PKHD1L1: variants seen among roughly 807,000 people sequenced by gnomAD.
The protein encoded by PKHD1L1 is PKHD1 like 1.
A neutral mutation model predicts 462.9 loss-of-function variants in PKHD1L1; 434 were observed. The ratio of observed to expected loss-of-function variants is 0.94; its 90% CI spans 0.87 to 1.02. The LOEUF is 1.02. PKHD1L1 is among the 50% of genes least tolerant of loss of function. The probability of loss-of-function intolerance (pLI) is 0.00; values close to 1 mark genes in which losing one functional copy is unlikely to be tolerated. For synonymous variants in PKHD1L1, 1,781 were observed against 1,750.0 expected (o/e 1.02, Z -0.44); for missense variants, 5,202 against 5,096.1 (o/e 1.02, Z -0.63).
At chr8:109,409,810 G>A (rs1294881165) in intron 18 of PKHD1L1, 55 bp from the exon 19 acceptor site, 11 of 948,362 alleles carry the variant, frequency 1.2e-5, no homozygotes, top group East Asian at 2.8e-5. Context: ...GTAGGATTAC[G>A]AGTGTTCTAA....
At chr8:109,399,765 G>A (rs1586431707) in intron 12 of PKHD1L1, among the ~76,000 whole-genome samples, 1 of 151,930 alleles carries the variant, frequency 6.6e-6, no homozygotes, top group African/African-American at 2.4e-5. Context: ...CTTACATAAA[G>A]CACTTTTTAA....
At chr8:109,494,528 G>A (rs1189587756) in intron 63 of PKHD1L1, among the ~76,000 whole-genome samples, 3 of 151,948 alleles carry the variant, frequency 2.0e-5, no homozygotes, top group Non-Finnish European at 2.9e-5. Flanking sequence ...AAAGCCAGAC[G>A]ATGGAACACT....
At chr8:109,459,164 A>G (rs927516461) in intron 46 of PKHD1L1, among the ~76,000 whole-genome samples, 1 of 152,020 alleles carries the variant, frequency 6.6e-6, no homozygotes, top group Admixed American at 6.6e-5. Flanking sequence ...GTATCATGGG[A>G]TGCTTAGAAA....
intron 6 of PKHD1L1, 35 bp from the exon 7 acceptor site, chr8:109,388,462 T>C (rs986909014): frequency 1.4e-6 from 2 of 1,414,796 alleles, no homozygotes; most frequent in Non-Finnish European, 1.9e-6. Flanking sequence ...TTGTTAAACA[T>C]AACTTGATTT....
intron 2 of PKHD1L1, among the ~76,000 whole-genome samples, chr8:109,378,041 CA>C (rs1368339372): frequency 6.6e-6 from 1 of 151,964 alleles, no homozygotes; most frequent in African/African-American, 2.4e-5. Flanking sequence ...TTATTCTGCC[CA>C]TCTGAAAAAA....
rs1410653839 is a variant in PKHD1L1 at position 109,536,137 on chromosome 8, T to C, written c.*6047T>C. On this transcript the variant is annotated 3_prime_UTR_variant, in exon 78 of 78. Coordinates refer to ENST00000378402, the MANE Select transcript of PKHD1L1 (RefSeq NM_177531.6). ...TCTATTTCTTGGAAGCACTATTCCA[T>C]GTTGTGAGCTAAAGGGGATTGTACT... Among the ~76,000 whole-genome samples, 2 of 152,208 alleles carry C rather than the reference T, an allele frequency of 1.3e-5. No individual in the cohort carries two copies. The highest frequency in any genetic ancestry group is 4.8e-5 in the African/African-American group (2 of 41,452).
intron 55 of PKHD1L1, chr8:109,480,427 C>A: frequency 2.4e-6 from 1 of 414,624 alleles, no homozygotes; most frequent in Admixed American, 3.4e-5. Flanking sequence ...GCTAAACCAA[C>A]AGCTTGTTCC....
intron 4 of PKHD1L1, 57 bp downstream of exon 4, chr8:109,382,628 A>G (rs1327850868): frequency 5.0e-6 from 7 of 1,408,604 alleles, no homozygotes; most frequent in Non-Finnish European, 6.8e-6. Context: ...TCTTTCCTGC[A>G]GAACTGAATT....
intron 36 of PKHD1L1, 119 bp downstream of exon 36, chr8:109,443,235 C>T (rs1050333562): frequency 3.2e-6 from 3 of 929,834 alleles, no homozygotes; most frequent in African/African-American, 3.3e-5. Context: ...AGCCACGTGA[C>T]CTTGAATAGG....
chr8:109,406,318 T>C lies in PKHD1L1; in HGVS notation c.1670-17T>C. ...ACTTTTCTGTTTGTTTGTTTGTTTGTTTTAATCCAATCAAAGTCTTCCTAC... is the reference window on the plus strand; with the variant it reads ...ACTTTTCTGTTTGTTTGTTTGTTTGCTTTAATCCAATCAAAGTCTTCCTAC... On this transcript the variant is annotated splice_polypyrimidine_tract_variant and intron_variant, in intron 16 of 77. Transcript: ENST00000378402. 6.5e-7 allele frequency: 1 copy of C among 1,540,514 alleles called. No homozygotes were observed. The highest frequency in any genetic ancestry group is 1.7e-4 in the Middle Eastern group (1 of 5,878).
chr8:109,511,030 C>T, intron 71 of PKHD1L1, 96 bp downstream of exon 71: 3 of 1,335,310 alleles, frequency 2.2e-6, no homozygotes, highest in Non-Finnish European at 3.1e-6. Flanking sequence ...CTAACATTGT[C>T]AGCCTTACAG....
intron 72 of PKHD1L1, among the ~76,000 whole-genome samples, chr8:109,516,054 C>T (rs917539021): frequency 6.6e-6 from 1 of 152,024 alleles, no homozygotes; most frequent in Non-Finnish European, 1.5e-5. Flanking sequence ...AGTCATATTC[C>T]TACTAATAAC....
intron 63 of PKHD1L1, among the ~76,000 whole-genome samples, chr8:109,494,515 T>C (rs993080435): frequency 2.6e-5 from 4 of 151,962 alleles, no homozygotes; most frequent in African/African-American, 4.8e-5. Context: ...AGAATAGTTA[T>C]ATAAAGCCAG....
intron 29 of PKHD1L1, 117 bp downstream of exon 29, chr8:109,435,471 G>C: frequency 8.9e-7 from 1 of 1,125,472 alleles, no homozygotes; most frequent in Non-Finnish European, 1.2e-6. Flanking sequence ...ATAGAACAAA[G>C]GAAAGTCTCC....
chr8:109,482,107 A>G (rs1465705755), intron 56 of PKHD1L1, among the ~76,000 whole-genome samples: 1 of 125,990 alleles, frequency 7.9e-6, no homozygotes, highest in Non-Finnish European at 1.7e-5. Context: ...TCAGAAAGCA[A>G]ATGGCTTGAA....
intron 63 of PKHD1L1, among the ~76,000 whole-genome samples, chr8:109,494,053 C>T (rs890426659): frequency 1.1e-4 from 16 of 151,904 alleles, no homozygotes; most frequent in African/African-American, 3.6e-4. Flanking sequence ...TTTAAAAAAA[C>T]GGCACTTATT....
rs190155175 is a variant in PKHD1L1 at position 109,377,058 on chromosome 8, C to A, written c.164-4312C>A. Reference sequence around the variant, plus strand: ...ACAAGTATTCATGTTGTCTAGCAGACCTTTGTGGAACACCGAAAATGCGTA... The same window carrying A: ...ACAAGTATTCATGTTGTCTAGCAGAACTTTGTGGAACACCGAAAATGCGTA... On this transcript the variant is annotated intron_variant, in intron 2 of 77. Transcript: ENST00000378402. 5.3e-5 allele frequency among the ~76,000 whole-genome samples: 8 copies of A among 152,310 alleles called. No homozygotes were observed. In the East Asian group the frequency reaches 7.7e-4, roughly 15 times the overall value.
In PKHD1L1 at chr8:109,482,972, G is replaced by C. The variant is rs962267305; in HGVS notation, c.9458-15G>C. On this transcript the variant is annotated splice_polypyrimidine_tract_variant and intron_variant, in intron 56 of 77. Coordinates refer to ENST00000378402, the MANE Select transcript of PKHD1L1 (RefSeq NM_177531.6). Reference sequence around the variant, plus strand: ...CTGTGGGGTGAATAAGTAGGAGTGTGCTTTTCTTCTTTAGGGGTGTTTGGT... The same window carrying C: ...CTGTGGGGTGAATAAGTAGGAGTGTCCTTTTCTTCTTTAGGGGTGTTTGGT... The C allele has an allele frequency of 2.6e-6, 4 of 1,538,486 alleles. No homozygotes were observed. The African/African-American group carries it at 4.2e-5, about 16-fold the overall frequency.
intron 72 of PKHD1L1, among the ~76,000 whole-genome samples, chr8:109,515,998 T>G (rs1469435486): frequency 1.3e-5 from 2 of 152,096 alleles, no homozygotes; most frequent in Non-Finnish European, 2.9e-5. Flanking sequence ...GAGCTAGACT[T>G]GAAAATATGA....
Sources: allele counts gnomAD v4.1 joint callset (sites outside exome capture counted in the v4.1 genomes callset), GRCh38; gene constraint gnomAD v4.1.1; transcripts MANE v1.5; gene names NCBI Gene and HGNC (gene_info 2026-07-23, HGNC 2026-07-21).